Variants in GNAZ observed in about 807,000 individuals in gnomAD.
GNAZ encodes guanine nucleotide-binding protein G(z) subunit alpha.
A neutral mutation model predicts 25.4 loss-of-function variants in GNAZ; 3 were observed. That is an observed-to-expected ratio of 0.12 (90% CI 0.05 to 0.30). The LOEUF (loss-of-function observed/expected upper bound fraction) is 0.30, where lower values mean the gene tolerates loss of function less well. Ranked by LOEUF, GNAZ falls within the 10% of genes least tolerant of loss-of-function variation. The pLI, the probability that GNAZ is intolerant of heterozygous loss-of-function variation, is 1.00. For synonymous variants in GNAZ, 211 were observed against 205.7 expected (o/e 1.03, Z -0.22); for missense variants, 241 against 501.8 (o/e 0.48, Z 4.97).
intron 1 of GNAZ, among the ~76,000 whole-genome samples, chr22:23,078,184 T>A (rs1165606811): frequency 6.6e-6 from 1 of 152,262 alleles, no homozygotes; most frequent in Non-Finnish European, 1.5e-5. Context: ...ACCTCTGATA[T>A]GCTGTGCAAA....
chr22:23,121,790 C>T (rs181290380), intron 2 of GNAZ, among the ~76,000 whole-genome samples: 32 of 149,420 alleles, frequency 2.1e-4, no homozygotes, highest in African/African-American at 7.2e-4. Context: ...GGCATGATCT[C>T]GGCTCACTGC....
At chr22:23,105,904 T>A (rs6003508) in intron 2 of GNAZ, among the ~76,000 whole-genome samples, 16,661 of 152,106 alleles carry the variant, frequency 0.11, 2,923 homozygotes, top group African/African-American at 0.37. Flanking sequence ...GCAGGAGAGC[T>A]TATGGGGTCA....
intron 2 of GNAZ, among the ~76,000 whole-genome samples, chr22:23,108,889 T>C (rs1462626733): frequency 6.6e-6 from 1 of 152,214 alleles, no homozygotes; most frequent in Non-Finnish European, 1.5e-5. Flanking sequence ...GCCATGCTCT[T>C]CTCTGTCCTT....
chr22:23,082,177 G>A (rs1039635755), intron 1 of GNAZ, among the ~76,000 whole-genome samples: 7 of 151,194 alleles, frequency 4.6e-5, no homozygotes, highest in South Asian at 4.2e-4. Flanking sequence ...TAATAATGTC[G>A]GAATCTGCAG....
At chr22:23,116,652 G>A (rs1227906408) in intron 2 of GNAZ, among the ~76,000 whole-genome samples, 2 of 152,224 alleles carry the variant, frequency 1.3e-5, no homozygotes, top group East Asian at 3.8e-4. Flanking sequence ...AAGGCAGGGT[G>A]TAATGGACTG....
chr22:23,100,051 G>A (rs781226538), intron 2 of GNAZ, among the ~76,000 whole-genome samples: 17 of 152,264 alleles, frequency 1.1e-4, no homozygotes, highest in Middle Eastern at 3.2e-3. Flanking sequence ...CCCATTTCCC[G>A]ACGGAGCTGT....
intron 1 of GNAZ, among the ~76,000 whole-genome samples, chr22:23,075,581 T>G (rs1300065987): frequency 6.6e-6 from 1 of 152,204 alleles, no homozygotes; most frequent in African/African-American, 2.4e-5. Context: ...TATAACTCTC[T>G]TTTAGAGACG....
intron 1 of GNAZ, among the ~76,000 whole-genome samples, chr22:23,084,863 G>A (rs779481190): frequency 6.6e-6 from 1 of 152,210 alleles, no homozygotes; most frequent in Non-Finnish European, 1.5e-5. Flanking sequence ...CTTGCCAGAG[G>A]ACGCACTGTC....
chr22:23,105,983 G>A (rs9624027), intron 2 of GNAZ, among the ~76,000 whole-genome samples: 21,857 of 152,146 alleles, frequency 0.14, 5,018 homozygotes, highest in African/African-American at 0.49. Flanking sequence ...TGGGTGTGAA[G>A]CCAGGGAGCA....
chr22:23,103,703 T>C (rs1050381339), intron 2 of GNAZ, among the ~76,000 whole-genome samples: 1 of 152,220 alleles, frequency 6.6e-6, no homozygotes, highest in African/African-American at 2.4e-5. Flanking sequence ...ACAAGCCCTG[T>C]GGCATCCTTG....
At chr22:23,084,089 G>T (rs980910984) in intron 1 of GNAZ, among the ~76,000 whole-genome samples, 1 of 152,192 alleles carries the variant, frequency 6.6e-6, no homozygotes, top group Non-Finnish European at 1.5e-5. Context: ...CAGTTCCTGG[G>T]AGGGTAGCTT....
At chr22:23,096,522 C>A (rs1158467684) in intron 2 of GNAZ, 104 bp downstream of exon 2, 7 of 1,226,370 alleles carry the variant, frequency 5.7e-6, no homozygotes, top group Non-Finnish European at 8.0e-6. Context: ...AGAAAGGGAA[C>A]CAGGCGCAGG....
chr22:23,101,461 G>A (rs1340110349), intron 2 of GNAZ, among the ~76,000 whole-genome samples: 2 of 152,162 alleles, frequency 1.3e-5, no homozygotes, highest in Admixed American at 6.5e-5. Flanking sequence ...CTTGGGAGAG[G>A]TGAGTGGCTG....
In GNAZ at chr22:23,123,238, A is replaced by G. The variant is rs372407179; in HGVS notation, c.875A>G (p.Lys292Arg). Residue 292 changes from lysine to arginine, a missense_variant, in exon 3 of 3, where the codon AAG becomes AGG. Physicochemically the swap from Lys to Arg is conservative, Grantham distance 26. Coordinates refer to ENST00000615612, the MANE Select transcript of GNAZ (RefSeq NM_002073.4). ...IPLTICFPEY[K>R]GQNTYEEAAV... ...CTCACCATCTGCTTTCCCGAGTACAAGGGCCAGAACACGTACGAGGAGGCC... is the reference window on the plus strand; with the variant it reads ...CTCACCATCTGCTTTCCCGAGTACAGGGGCCAGAACACGTACGAGGAGGCC... The G allele has an allele frequency of 6.2e-6, 10 of 1,614,042 alleles. No individual in the cohort carries two copies. The African/African-American group carries it at 6.7e-5, about 11-fold the overall frequency.
intron 2 of GNAZ, among the ~76,000 whole-genome samples, chr22:23,115,321 G>T (rs1017459349): frequency 1.3e-5 from 2 of 152,222 alleles, no homozygotes; most frequent in Non-Finnish European, 2.9e-5. Context: ...GTAGGTGTTT[G>T]CATGTGGTTG....
intron 2 of GNAZ, among the ~76,000 whole-genome samples, chr22:23,106,182 G>A (rs554241251): frequency 6.6e-6 from 1 of 152,338 alleles, no homozygotes; most frequent in South Asian, 2.1e-4. Flanking sequence ...GGAATACAGA[G>A]GCTCCCATTT....
intron 2 of GNAZ, among the ~76,000 whole-genome samples, chr22:23,111,632 G>C (rs765869540): frequency 2.0e-5 from 3 of 152,254 alleles, no homozygotes; most frequent in Non-Finnish European, 4.4e-5. Context: ...TACTGAGGCA[G>C]GAGCTGCGGC....
intron 2 of GNAZ, among the ~76,000 whole-genome samples, chr22:23,114,957 C>T (rs2069781012): frequency 6.6e-6 from 1 of 152,210 alleles, no homozygotes; most frequent in Admixed American, 6.5e-5. Flanking sequence ...CAGAAGCTGG[C>T]AGGGCTGGGG....
intron 1 of GNAZ, among the ~76,000 whole-genome samples, chr22:23,083,910 G>A (rs2146281108): frequency 6.6e-6 from 1 of 152,344 alleles, no homozygotes; most frequent in South Asian, 2.1e-4. Context: ...CATCAGAGAA[G>A]GAGGTTCTCC....
Sources: allele counts gnomAD v4.1 joint callset (sites outside exome capture counted in the v4.1 genomes callset), GRCh38; gene constraint gnomAD v4.1.1; transcripts MANE v1.5; gene names NCBI Gene and HGNC (gene_info 2026-07-23, HGNC 2026-07-21).